FARP2: variants seen among roughly 807,000 people sequenced by gnomAD.
FARP2 encodes FERM, ARH/RhoGEF and pleckstrin domain protein 2.
In FARP2, 111 loss-of-function variants were observed where a neutral mutation model predicts 130.5. The observed-to-expected ratio is 0.85, with a 90% CI of 0.73 to 1.00. The LOEUF is 1.00. Among genes scored for constraint, FARP2 ranks in the 50% least tolerant of loss-of-function variants. FARP2 has a pLI of 0.00. For synonymous variants in FARP2, 504 were observed against 516.9 expected (o/e 0.98, Z 0.34); for missense variants, 1,385 against 1,346.3 (o/e 1.03, Z -0.45).
At chr2:241,384,921 C>T (rs2061748793) in intron 2 of FARP2, among the ~76,000 whole-genome samples, 1 of 152,138 alleles carries the variant, frequency 6.6e-6, no homozygotes, top group African/African-American at 2.4e-5. Context: ...CTTTAATTTA[C>T]ATCAATTGTA....
chr2:241,393,880 C>G (rs529678133), intron 2 of FARP2, among the ~76,000 whole-genome samples: 1 of 152,304 alleles, frequency 6.6e-6, no homozygotes, highest in African/African-American at 2.4e-5. Context: ...ACTGGAAACA[C>G]TGAACAAAAA....
chr2:241,417,868 C>A, intron 7 of FARP2, 94 bp from the exon 8 acceptor site: 2 of 1,380,284 alleles, frequency 1.4e-6, no homozygotes, highest in South Asian at 1.3e-5. Flanking sequence ...ACAAAGCCTT[C>A]ATTGTTGGTT....
At chr2:241,436,696 T>C (rs2150406489) in intron 12 of FARP2, among the ~76,000 whole-genome samples, 158 bp downstream of exon 12, 1 of 152,294 alleles carries the variant, frequency 6.6e-6, no homozygotes, top group South Asian at 2.1e-4. Flanking sequence ...GGGTCCTGAA[T>C]AGAAAGCCAG....
At chr2:241,441,585 C>T in intron 13 of FARP2, 29 bp downstream of exon 13, 1 of 1,613,782 alleles carries the variant, frequency 6.2e-7, no homozygotes, top group Non-Finnish European at 8.5e-7. Context: ...TCGTGAGCAG[C>T]TGTGGTTCTG....
intron 26 of FARP2, 143 bp downstream of exon 26, chr2:241,493,587 G>A: frequency 1.5e-6 from 1 of 681,560 alleles, no homozygotes; most frequent in Middle Eastern, 3.5e-4. Context: ...CCAAAAAACA[G>A]CAATGCTTTG....
At chr2:241,371,538 A>G (rs987887931) in intron 1 of FARP2, among the ~76,000 whole-genome samples, 15 of 152,218 alleles carry the variant, frequency 9.9e-5, no homozygotes, top group Admixed American at 8.5e-4. Flanking sequence ...ATAAGCATGA[A>G]AAAGAGGAAA....
rs1238765280 is a variant in FARP2, at chr2:241,384,698, GAAACTGGT to G, written c.183+11412_183+11419del. ...ATGCTTTTTGCATGTATTGATATTT[GAAACTGGT>G]AAAGTCAGATCTTTGTAGCAGAAGA... On this transcript the variant is annotated intron_variant, in intron 2 of 26. Transcript: ENST00000264042. 1.8e-4 allele frequency among the ~76,000 whole-genome samples: 28 copies of G among 152,218 alleles called. No homozygotes were observed. In the East Asian group the frequency reaches 4.8e-3, roughly 26 times the overall value.
intron 7 of FARP2, among the ~76,000 whole-genome samples, chr2:241,417,137 T>C (rs757115760): frequency 2.6e-4 from 39 of 151,628 alleles, no homozygotes; most frequent in Admixed American, 1.4e-3. Flanking sequence ...CCGTCTCTAC[T>C]AAAAATACAA....
At position 241,420,382 on chromosome 2, in the gene FARP2, A is replaced by C. The variant is rs559699940; in HGVS notation, c.771+2273A>C. Among the ~76,000 whole-genome samples, 10 of 152,278 alleles carry C rather than the reference A, an allele frequency of 6.6e-5. No individual in the cohort carries two copies. The East Asian group carries it at 1.9e-3, about 29-fold the overall frequency. ...CACTATATTCCACACTATTAAATGA[A>C]CTGGTGACATTAATGGCCCCAGGGA... is the stretch of plus-strand genomic sequence containing the variant. On this transcript the variant is annotated intron_variant, in intron 8 of 26. Transcript: ENST00000264042.
intron 1 of FARP2, among the ~76,000 whole-genome samples, chr2:241,371,198 T>C (rs1399334399): frequency 6.6e-6 from 1 of 152,146 alleles, no homozygotes; most frequent in Non-Finnish European, 1.5e-5. Flanking sequence ...ATTAAAAAGG[T>C]TCTTTTCTAG....
Position 241,373,052 on chromosome 2 carries a change from C to A in FARP2, c.-24-32C>A, listed in dbSNP as rs541088728. 3.0e-5 allele frequency: 35 copies of A among 1,167,926 alleles called. No individual in the cohort carries two copies. In the African/African-American group the frequency reaches 5.2e-4, roughly 17 times the overall value. The allele number at this position is 1,167,926 out of a possible 1,614,324, so 72.3% of individuals were successfully genotyped here. ...TTAGTACCTAAATAATGTGATAATT[C>A]CTTCATGTGGTTTTTTTTTTTTTCA... On this transcript the variant is annotated intron_variant, in intron 1 of 26. Transcript: ENST00000264042.
intron 3 of FARP2, 144 bp from the exon 4 acceptor site, chr2:241,404,655 T>A: frequency 1.7e-6 from 1 of 604,324 alleles, no homozygotes; most frequent in East Asian, 2.8e-5. Context: ...TTTATCAGGA[T>A]TCAACCTTTA....
chr2:241,485,301 CCCTGGGATCTTCCCTT>C (rs2064724394), intron 21 of FARP2, among the ~76,000 whole-genome samples: 1 of 150,948 alleles, frequency 6.6e-6, no homozygotes, highest in Admixed American at 6.6e-5. Flanking sequence ...CTCCCTCCCT[CCCTGGGATCTTCCCTT>C]CCTGGGATCT....
intron 14 of FARP2, among the ~76,000 whole-genome samples, chr2:241,457,733 C>A (rs533739979): frequency 1.4e-5 from 2 of 145,432 alleles, no homozygotes; most frequent in African/African-American, 2.6e-5. Context: ...TCTGGAGAGG[C>A]TCTTGGGCGG....
intron 17 of FARP2, chr2:241,465,459 G>C: frequency 6.5e-6 from 10 of 1,550,386 alleles, no homozygotes; most frequent in Non-Finnish European, 8.7e-6. Context: ...TTTTCTTTCA[G>C]GTGTTCCAGC....
intron 8 of FARP2, among the ~76,000 whole-genome samples, chr2:241,430,478 A>G (rs1412106372): frequency 6.6e-6 from 1 of 151,946 alleles, no homozygotes; most frequent in Non-Finnish European, 1.5e-5. Context: ...CACCTCATAT[A>G]TCTATATTTA....
intron 2 of FARP2, among the ~76,000 whole-genome samples, chr2:241,378,587 A>G (rs971397141): frequency 1.3e-5 from 2 of 151,572 alleles, no homozygotes; most frequent in African/African-American, 2.4e-5. Flanking sequence ...AATTTGTTAA[A>G]TTTTTGTAGA....
intron 2 of FARP2, among the ~76,000 whole-genome samples, chr2:241,391,276 A>G (rs1383235564): frequency 3.3e-5 from 5 of 152,230 alleles, no homozygotes; most frequent in Admixed American, 3.3e-4. Flanking sequence ...CTCCTAAAAC[A>G]AGCCAGTTAG....
intron 14 of FARP2, among the ~76,000 whole-genome samples, chr2:241,461,686 T>G (rs2064023186): frequency 6.6e-6 from 1 of 152,236 alleles, no homozygotes. Flanking sequence ...AGCTGACACC[T>G]GCTCCATGGA....
Sources: allele counts gnomAD v4.1 joint callset (sites outside exome capture counted in the v4.1 genomes callset), GRCh38; gene constraint gnomAD v4.1.1; transcripts MANE v1.5; gene names NCBI Gene and HGNC (gene_info 2026-07-23, HGNC 2026-07-21).